The following PDE1C variants were observed in gnomAD, a reference collection of about 807,000 sequenced individuals.
PDE1C encodes dual specificity calcium/calmodulin-dependent 3',5'-cyclic nucleotide phosphodiesterase 1C.
PDE1C carries 62 observed loss-of-function variants against 93.1 expected under a neutral mutation model. The ratio of observed to expected loss-of-function variants is 0.67; its 90% CI spans 0.54 to 0.82. The LOEUF (loss-of-function observed/expected upper bound fraction) is 0.82, where lower values mean the gene tolerates loss of function less well. PDE1C is among the 40% of genes least tolerant of loss of function. The pLI, the probability that PDE1C is intolerant of heterozygous loss-of-function variation, is 0.00. For synonymous variants in PDE1C, 325 were observed against 310.1 expected (o/e 1.05, Z -0.50); for missense variants, 742 against 884.6 (o/e 0.84, Z 2.04).
intron 2 of PDE1C, among the ~76,000 whole-genome samples, chr7:32,170,772 C>T (rs1221526452): frequency 6.6e-6 from 1 of 152,100 alleles, no homozygotes; most frequent in Non-Finnish European, 1.5e-5. Context: ...CACTCTCCCC[C>T]AACCCCCAAC....
At chr7:31,712,907 T>C in the PDE1C span, among the ~76,000 whole-genome samples, 1 of 152,122 alleles carries the variant, frequency 6.6e-6, no homozygotes, top group South Asian at 2.1e-4. Context: ...GTCCCCAAGA[T>C]TCAATTACCT....
At chr7:31,848,613 T>C (rs1010806377) in intron 8 of PDE1C, among the ~76,000 whole-genome samples, 8 of 152,172 alleles carry the variant, frequency 5.3e-5, no homozygotes, top group African/African-American at 1.9e-4. Context: ...GAATAAAGAA[T>C]ATAAAGATTA....
At chr7:31,789,828 C>T in intron 16 of PDE1C, 1 of 1,002,696 alleles carries the variant, frequency 1.0e-6, no homozygotes, top group East Asian at 1.0e-4. Context: ...CATTGACAGT[C>T]ATAAAATGGC....
At chr7:31,683,742 T>G in the PDE1C span, among the ~76,000 whole-genome samples, 4 of 152,220 alleles carry the variant, frequency 2.6e-5, no homozygotes, top group African/African-American at 9.6e-5. Context: ...ACCCCTAGAT[T>G]GGCTATGAAA....
intron 2 of PDE1C, among the ~76,000 whole-genome samples, chr7:32,189,858 T>C (rs1054769845): frequency 2.4e-4 from 37 of 152,204 alleles, no homozygotes; most frequent in African/African-American, 8.4e-4. Context: ...TAAACTCCTA[T>C]GGGAAAGAAC....
In PDE1C at chr7:32,321,825, G is replaced by A. The variant is rs533194522; in HGVS notation, c.310+105997C>T. 4.8e-4 allele frequency among the ~76,000 whole-genome samples: 73 copies of A among 152,254 alleles called. 1 individual carries two copies. In the South Asian group the frequency reaches 0.014, roughly 30 times the overall value. On this transcript the variant is annotated intron_variant, in intron 1 of 1. Coordinates refer to the PDE1C transcript ENST00000672256. Reference sequence around the variant, plus strand: ...TATCCACATTCTACAAACCCTAGAAGTTCCCATTTCAAACCCGATCAGTTG... The same window carrying A: ...TATCCACATTCTACAAACCCTAGAAATTCCCATTTCAAACCCGATCAGTTG...
At chr7:32,114,165 A>G (rs1349346910) in intron 3 of PDE1C, among the ~76,000 whole-genome samples, 3 of 151,686 alleles carry the variant, frequency 2.0e-5, no homozygotes, top group Admixed American at 2.0e-4. Flanking sequence ...GACCCCATAG[A>G]CAATCCTAAG....
intron 12 of PDE1C, among the ~76,000 whole-genome samples, chr7:31,825,229 C>T (rs965142647): frequency 7.9e-5 from 12 of 152,158 alleles, no homozygotes; most frequent in African/African-American, 2.9e-4. Flanking sequence ...TCAACACCCA[C>T]TATAGAACAA....
In PDE1C at chr7:31,765,642, T is replaced by C. The variant is rs572241455; in HGVS notation, c.1960+10022A>G. Among the ~76,000 whole-genome samples the C allele has an allele frequency of 4.6e-5, 7 of 152,300 alleles. No homozygotes were observed. In the East Asian group the frequency reaches 9.7e-4, roughly 21 times the overall value. ...CATAACAAAGCTGGATCAAGTGGGA[T>C]AGGCTTCAATCCAGTCCACAGTAAG... On this transcript the variant is annotated intron_variant, in intron 17 of 17. Coordinates refer to ENST00000396191, the MANE Select transcript of PDE1C (RefSeq NM_001191057.4).
chr7:32,023,641 G>GAA lies in PDE1C; in HGVS notation c.128+27911_128+27912dup, dbSNP rs143261369. Among the ~76,000 whole-genome samples, 72 of 149,526 alleles carry GAA rather than the reference G, an allele frequency of 4.8e-4. No homozygotes were observed. In the Middle Eastern group the frequency reaches 0.011, roughly 22 times the overall value. On this transcript the variant is annotated intron_variant, in intron 2 of 17. Transcript: ENST00000396191. Reference sequence around the variant, plus strand: ...GGTATCTACAGTTTATGCTGCGTGAGAAAAAAAAAAGCCAGTCTTTAAAGA... The same window carrying GAA: ...GGTATCTACAGTTTATGCTGCGTGAGAAAAAAAAAAAAGCCAGTCTTTAAAGA...
the PDE1C span, among the ~76,000 whole-genome samples, chr7:31,721,272 G>A: frequency 4.3e-4 from 66 of 152,310 alleles, no homozygotes; most frequent in African/African-American, 1.5e-3. Context: ...TGGTGCTTAA[G>A]TTAGCAAATG....
chr7:32,054,485 C>T (rs1416183054), intron 1 of PDE1C, among the ~76,000 whole-genome samples: 3 of 152,146 alleles, frequency 2.0e-5, no homozygotes, highest in Non-Finnish European at 4.4e-5. Context: ...TAGTTCTGAG[C>T]TTCTTGAGGT....
chr7:31,895,726 G>A (rs191571792), intron 2 of PDE1C, among the ~76,000 whole-genome samples: 460 of 152,024 alleles, frequency 3.0e-3, no homozygotes, highest in Admixed American at 5.7e-3. Flanking sequence ...GACTCATGGG[G>A]GCTGGTTTTC....
intron 1 of PDE1C, among the ~76,000 whole-genome samples, chr7:32,403,177 C>T (rs939420451): frequency 2.5e-4 from 35 of 139,810 alleles, no homozygotes; most frequent in African/African-American, 9.0e-4. Flanking sequence ...AATTTGCTGA[C>T]CATTAATGTT....
intron 1 of PDE1C, among the ~76,000 whole-genome samples, chr7:32,223,791 C>T (rs987304155): frequency 1.3e-5 from 2 of 152,204 alleles, no homozygotes; most frequent in Non-Finnish European, 2.9e-5. Flanking sequence ...ATATTAGCAC[C>T]TGGGTCCTGC....
At chr7:32,308,271 G>GGCCT (rs1243240249) in intron 1 of PDE1C, among the ~76,000 whole-genome samples, 2 of 152,222 alleles carry the variant, frequency 1.3e-5, no homozygotes, top group Admixed American at 1.3e-4. Flanking sequence ...AGCTCAAGGA[G>GGCCT]GCCTGCCTGC....
In PDE1C at chr7:32,394,525, G is replaced by A. The variant is rs188510545; in HGVS notation, c.310+33297C>T. Among the ~76,000 whole-genome samples the A allele has an allele frequency of 6.6e-3, 1,005 of 152,300 alleles. 6 individuals are homozygous for A. Among genetic ancestry groups the A allele is most frequent in the Middle Eastern group, 0.014 (4 of 294 alleles). On this transcript the variant is annotated intron_variant, in intron 1 of 1. Transcript: ENST00000672256. ...GAGACCTGGTTATTAAAAAGAGTCT[G>A]GGTTGGGCACATTGACTCATGCCTG...
intron 1 of PDE1C, among the ~76,000 whole-genome samples, chr7:32,267,584 ACACTCTCTCTCTCTCTCT>A (rs1215199005): frequency 1.8e-5 from 2 of 113,082 alleles, no homozygotes; most frequent in Non-Finnish European, 3.7e-5. Flanking sequence ...ACACACACAC[ACACTCTCTCTCTCTCTCT>A]CTCTCTCTCT....
chr7:32,130,343 C>T (rs1278402583), intron 3 of PDE1C, among the ~76,000 whole-genome samples: 5 of 152,088 alleles, frequency 3.3e-5, no homozygotes, highest in African/African-American at 4.8e-5. Flanking sequence ...AATGAAAGTA[C>T]ACTACAAATT....
Sources: gnomAD v4.1 joint callset for allele counts (sites outside exome capture counted in the v4.1 genomes callset) on GRCh38, gnomAD v4.1.1 for gene constraint, MANE v1.5 for transcripts, NCBI Gene and HGNC (gene_info 2026-07-23, HGNC 2026-07-21) for gene names.